GPC6: variants seen among roughly 807,000 people sequenced by gnomAD.
GPC6 encodes the protein glypican 6, also known as glypican-6.
Under a neutral mutation model 55.2 loss-of-function variants are expected in GPC6, and 14 were observed. The ratio of observed to expected loss-of-function variants is 0.25; its 90% confidence interval spans 0.17 to 0.40. The LOEUF is 0.40. Ranked by LOEUF, GPC6 falls within the 10% of genes least tolerant of loss-of-function variation. The probability of loss-of-function intolerance (pLI) is 1.00; values close to 1 mark genes in which losing one functional copy is unlikely to be tolerated. For missense variants in GPC6, 641 were observed against 708.5 expected (o/e 0.90, Z 1.08); for synonymous variants, 278 against 259.6 (o/e 1.07, Z -0.68).
chr13:93,432,561 T>C (rs1288552066), intron 1 of GPC6, among the ~76,000 whole-genome samples: 1 of 152,132 alleles, frequency 6.6e-6, no homozygotes, highest in Non-Finnish European at 1.5e-5. Context: ...TAATATGTGC[T>C]TCTAGAGAAT....
intron 4 of GPC6, among the ~76,000 whole-genome samples, chr13:94,178,778 C>A (rs1414239153): frequency 1.3e-5 from 2 of 152,216 alleles, no homozygotes; most frequent in Non-Finnish European, 2.9e-5. Flanking sequence ...CATTCATTCT[C>A]TTGTTGTATT....
intron 6 of GPC6, among the ~76,000 whole-genome samples, chr13:94,358,864 C>T (rs749279746): frequency 1.3e-5 from 2 of 152,118 alleles, no homozygotes; most frequent in East Asian, 3.9e-4. Flanking sequence ...TTTAGGAAAG[C>T]CTGTTCTAAT....
chr13:93,654,433 T>C (rs1313614637), intron 2 of GPC6, among the ~76,000 whole-genome samples: 2 of 151,918 alleles, frequency 1.3e-5, no homozygotes, highest in African/African-American at 4.8e-5. Flanking sequence ...GTTCAAGCGG[T>C]TCTCCTGCCT....
intron 3 of GPC6, among the ~76,000 whole-genome samples, chr13:93,864,104 T>C (rs988572108): frequency 1.3e-5 from 2 of 151,720 alleles, no homozygotes; most frequent in Non-Finnish European, 3.0e-5. Context: ...TATACCATAA[T>C]CCTACCTAAT....
intron 2 of GPC6, among the ~76,000 whole-genome samples, chr13:93,568,451 G>A (rs995448454): frequency 3.3e-5 from 5 of 152,176 alleles, no homozygotes; most frequent in Admixed American, 3.3e-4. Context: ...CTCCCTTGGA[G>A]ATGTCAAGCT....
chr13:93,789,513 A>C (rs200502027), intron 2 of GPC6, among the ~76,000 whole-genome samples: 32,748 of 79,954 alleles, frequency 0.41, 5,383 homozygotes, highest in Middle Eastern at 0.48. Flanking sequence ...CTCTCTCTAT[A>C]TATATATATA....
chr13:93,788,553 C>T (rs961742362), intron 2 of GPC6, among the ~76,000 whole-genome samples: 1 of 116,826 alleles, frequency 8.6e-6, no homozygotes, highest in Non-Finnish European at 1.8e-5. Flanking sequence ...ACCTTGTCTG[C>T]TTGACAAAAT....
intron 4 of GPC6, among the ~76,000 whole-genome samples, chr13:94,067,958 A>G (rs1176317721): frequency 6.6e-6 from 1 of 152,220 alleles, no homozygotes; most frequent in Non-Finnish European, 1.5e-5. Context: ...TGTAGGAAAG[A>G]TGGACTCCTC....
chr13:94,320,837 T>C (rs1208240617), intron 6 of GPC6, among the ~76,000 whole-genome samples: 1 of 152,232 alleles, frequency 6.6e-6, no homozygotes, highest in African/African-American at 2.4e-5. Context: ...GTTAGCTGAT[T>C]TTAGGAAATG....
At chr13:94,375,438 G>A (rs1221157618) in intron 6 of GPC6, among the ~76,000 whole-genome samples, 1 of 151,828 alleles carries the variant, frequency 6.6e-6, no homozygotes, top group Non-Finnish European at 1.5e-5. Flanking sequence ...AAATAAACTA[G>A]AAAATCTAGA....
chr13:93,312,976 T>C (rs1462114619), intron 1 of GPC6, among the ~76,000 whole-genome samples: 1 of 152,198 alleles, frequency 6.6e-6, no homozygotes, highest in Non-Finnish European at 1.5e-5. Context: ...AAGCAGATAT[T>C]AGAGACATAA....
chr13:94,114,833 C>T (rs1213587901), intron 4 of GPC6, among the ~76,000 whole-genome samples: 1 of 151,994 alleles, frequency 6.6e-6, no homozygotes, highest in Non-Finnish European at 1.5e-5. Context: ...TGTATTGTCT[C>T]AAGTAATCTT....
intron 1 of GPC6, among the ~76,000 whole-genome samples, chr13:93,269,336 T>G (rs927548977): frequency 6.6e-6 from 1 of 152,182 alleles, no homozygotes; most frequent in African/African-American, 2.4e-5. Context: ...AGCCTATAAT[T>G]TTTGAAATCA....
intron 2 of GPC6, among the ~76,000 whole-genome samples, chr13:93,578,281 TA>T (rs1409374757): frequency 6.6e-6 from 1 of 152,030 alleles, no homozygotes; most frequent in Non-Finnish European, 1.5e-5. Flanking sequence ...GTAGAATAGG[TA>T]TTAGCTCTTT....
chr13:94,091,851 T>C (rs868331222), intron 4 of GPC6, among the ~76,000 whole-genome samples: 13 of 151,764 alleles, frequency 8.6e-5, no homozygotes, highest in African/African-American at 2.7e-4. Context: ...TTCCTCACTA[T>C]GGTAACTGGT....
In GPC6 at chr13:93,306,375, C is replaced by T. The variant is rs938665044; in HGVS notation, c.160+78759C>T. Among the ~76,000 whole-genome samples the T allele has an allele frequency of 3.9e-5, 6 of 152,078 alleles. No individual in the cohort carries two copies. The South Asian group carries it at 1.0e-3, about 26-fold the overall frequency. On this transcript the variant is annotated intron_variant, in intron 1 of 8. Coordinates refer to ENST00000377047, the MANE Select transcript of GPC6 (RefSeq NM_005708.5). ...GTGTGAGAAAATTCTGTCTGTCAGC[C>T]AGCATATAAATAGAGCCAACTTGTT...
chr13:93,754,746 C>T (rs1021934386), intron 2 of GPC6, among the ~76,000 whole-genome samples: 1 of 151,026 alleles, frequency 6.6e-6, no homozygotes, highest in South Asian at 2.1e-4. Context: ...TTCTCATAAA[C>T]AGAAACATAA....
intron 1 of GPC6, among the ~76,000 whole-genome samples, chr13:93,316,941 A>G (rs1879266925): frequency 6.6e-6 from 1 of 152,108 alleles, no homozygotes; most frequent in Non-Finnish European, 1.5e-5. Context: ...AGCTGTCATT[A>G]TCTGATCTGC....
chr13:93,768,314 C>A (rs542108785), intron 2 of GPC6, among the ~76,000 whole-genome samples: 1 of 152,176 alleles, frequency 6.6e-6, no homozygotes, highest in Non-Finnish European at 1.5e-5. Context: ...TCCCTGAAAA[C>A]CCTTCCTTGA....
Sources: allele counts gnomAD v4.1 joint callset (sites outside exome capture counted in the v4.1 genomes callset), GRCh38; gene constraint gnomAD v4.1.1; transcripts MANE v1.5; gene names NCBI Gene and HGNC (gene_info 2026-07-23, HGNC 2026-07-21).